Variants in KCNQ3 observed in about 807,000 individuals in gnomAD.
KCNQ3 encodes the protein potassium voltage-gated channel subfamily KQT member 3.
A neutral mutation model predicts 92.5 loss-of-function variants in KCNQ3; 30 were observed. The observed-to-expected ratio is 0.32, with a 90% CI of 0.24 to 0.44. The LOEUF is 0.44. KCNQ3 is among the 20% of genes least tolerant of loss of function. The probability of loss-of-function intolerance (pLI) is 1.00; values close to 1 mark genes in which losing one functional copy is unlikely to be tolerated. For synonymous variants in KCNQ3, 450 were observed against 468.8 expected, an observed-to-expected ratio of 0.96 and a Z score of 0.52; for missense variants, 913 against 1,140.3, an observed-to-expected ratio of 0.80 and a Z score of 2.87.
chr8:132,442,300 C>T (rs752139981), intron 1 of KCNQ3, among the ~76,000 whole-genome samples: 38 of 152,254 alleles, frequency 2.5e-4, no homozygotes, highest in Middle Eastern at 3.4e-3. Context: ...CTGTGAAGCC[C>T]ACTCTGAGCT....
intron 1 of KCNQ3, among the ~76,000 whole-genome samples, chr8:132,305,454 C>T (rs1811661079): frequency 6.6e-6 from 1 of 152,186 alleles, no homozygotes; most frequent in Admixed American, 6.5e-5. Flanking sequence ...CCTAACTCCC[C>T]TTTTTTGAGA....
At chr8:132,441,061 G>T (rs576151549) in intron 1 of KCNQ3, among the ~76,000 whole-genome samples, 1 of 152,218 alleles carries the variant, frequency 6.6e-6, no homozygotes, top group Non-Finnish European at 1.5e-5. Context: ...GACAACTGGG[G>T]CTCCAAGAGG....
chr8:132,144,602 G>C (rs1185913200), intron 9 of KCNQ3, among the ~76,000 whole-genome samples: 1 of 152,188 alleles, frequency 6.6e-6, no homozygotes, highest in Non-Finnish European at 1.5e-5. Context: ...ACTGGGCATG[G>C]AAAAGGAAAA....
chr8:132,376,683 CTT>C (rs1056407159), intron 1 of KCNQ3, among the ~76,000 whole-genome samples: 14 of 152,352 alleles, frequency 9.2e-5, no homozygotes, highest in Admixed American at 9.1e-4. Flanking sequence ...ATTTGCATAT[CTT>C]TTGCCACTTG....
At position 132,434,194 on chromosome 8, in the gene KCNQ3, C is replaced by T. The variant is rs1383161754; in HGVS notation, c.386+45953G>A. Among the ~76,000 whole-genome samples, 14 of 134,776 alleles carry T rather than the reference C, an allele frequency of 1.0e-4. No homozygotes were observed. The East Asian group carries it at 1.5e-3, about 14-fold the overall frequency. The allele number at this position is 134,776 out of a possible 152,430, so 88.4% of individuals were successfully genotyped here. A position where few individuals can be genotyped will look rare whatever the true frequency, so the allele number is the denominator to read the frequency against. On this transcript the variant is annotated intron_variant, in intron 1 of 14. Transcript: ENST00000388996. ...CTGCACTCCAGCCTGGGTGACAGAG[C>T]GAGACTCCGTCTCAAAAAAAAAAAA...
At chr8:132,184,670 A>C (rs1826906467) in intron 2 of KCNQ3, among the ~76,000 whole-genome samples, 2 of 152,156 alleles carry the variant, frequency 1.3e-5, no homozygotes, top group South Asian at 4.1e-4. Flanking sequence ...TCAGCTTTAA[A>C]AGTCCCTTTA....
intron 1 of KCNQ3, among the ~76,000 whole-genome samples, chr8:132,396,943 TGTGTGC>T (rs1279782574): frequency 4.9e-5 from 7 of 144,078 alleles, no homozygotes; most frequent in Admixed American, 2.1e-4. Context: ...AAAAATTGTG[TGTGTGC>T]GTGTGTGTGT....
intron 3 of KCNQ3, 100 bp downstream of exon 3, chr8:132,184,141 C>T (rs1826881140): frequency 8.1e-6 from 12 of 1,476,320 alleles, no homozygotes; most frequent in South Asian, 2.3e-5. Context: ...TCCACAGTGC[C>T]GCGTGATTTC....
At chr8:132,308,183 G>T (rs1334615007) in intron 1 of KCNQ3, among the ~76,000 whole-genome samples, 2 of 152,178 alleles carry the variant, frequency 1.3e-5, no homozygotes, top group African/African-American at 4.8e-5. Flanking sequence ...ACAGAGCTGG[G>T]CTATGAGGTT....
At chr8:132,298,967 A>C (rs1244668989) in intron 1 of KCNQ3, among the ~76,000 whole-genome samples, 1 of 152,118 alleles carries the variant, frequency 6.6e-6, no homozygotes, top group Non-Finnish European at 1.5e-5. Flanking sequence ...AATTTAATTA[A>C]AATTATTTTC....
intron 1 of KCNQ3, among the ~76,000 whole-genome samples, chr8:132,402,877 C>A (rs1032348252): frequency 2.0e-5 from 3 of 151,508 alleles, no homozygotes; most frequent in Non-Finnish European, 4.4e-5. Context: ...TTAGCCGGGG[C>A]GTGGCAGTGC....
At chr8:132,428,642 A>G (rs1275716276) in intron 1 of KCNQ3, among the ~76,000 whole-genome samples, 1 of 152,236 alleles carries the variant, frequency 6.6e-6, no homozygotes, top group East Asian at 1.9e-4. Flanking sequence ...TTAGGTTTTA[A>G]AAATATAAGA....
At chr8:132,450,132 G>A (rs547739557) in intron 1 of KCNQ3, among the ~76,000 whole-genome samples, 5 of 152,298 alleles carry the variant, frequency 3.3e-5, no homozygotes, top group Middle Eastern at 3.4e-3. Flanking sequence ...AAGGGGACCC[G>A]AGTGGGTTGC....
intron 1 of KCNQ3, among the ~76,000 whole-genome samples, chr8:132,400,117 G>A (rs1820296073): frequency 6.6e-6 from 1 of 152,200 alleles, no homozygotes; most frequent in South Asian, 2.1e-4. Flanking sequence ...GTGAAGAGCT[G>A]CATGTTCAGG....
intron 1 of KCNQ3, among the ~76,000 whole-genome samples, chr8:132,475,866 G>A (rs1587055915): frequency 6.6e-6 from 1 of 152,228 alleles, no homozygotes; most frequent in South Asian, 2.1e-4. Flanking sequence ...TGTCTCCAGG[G>A]CACATCAGAG....
At chr8:132,307,372 G>T (rs975430552) in intron 1 of KCNQ3, among the ~76,000 whole-genome samples, 1 of 152,176 alleles carries the variant, frequency 6.6e-6, no homozygotes, top group Non-Finnish European at 1.5e-5. Context: ...TGATTCAAGA[G>T]GGAGCTAGTG....
At chr8:132,152,899 C>T (rs529073449) in intron 9 of KCNQ3, among the ~76,000 whole-genome samples, 2 of 152,340 alleles carry the variant, frequency 1.3e-5, no homozygotes, top group East Asian at 3.9e-4. Context: ...ATTATTCTAG[C>T]TGCACTTTAT....
intron 1 of KCNQ3, among the ~76,000 whole-genome samples, chr8:132,346,829 G>A (rs1269343513): frequency 6.6e-6 from 1 of 152,182 alleles, no homozygotes; most frequent in Non-Finnish European, 1.5e-5. Flanking sequence ...ACTCCTCAGA[G>A]GACTTGCTGA....
At chr8:132,328,744 C>T (rs1489203684) in intron 1 of KCNQ3, among the ~76,000 whole-genome samples, 1 of 152,106 alleles carries the variant, frequency 6.6e-6, no homozygotes, top group African/African-American at 2.4e-5. Context: ...ACTCGAGCAC[C>T]TCCTTTGTCT....
Sources: gnomAD v4.1 joint callset for allele counts (sites outside exome capture counted in the v4.1 genomes callset) on GRCh38, gnomAD v4.1.1 for gene constraint, MANE v1.5 for transcripts, NCBI Gene and HGNC (gene_info 2026-07-23, HGNC 2026-07-21) for gene names.